The following MRPS6 variants were observed in gnomAD, a reference collection of about 807,000 sequenced individuals.
The protein encoded by MRPS6 is small ribosomal subunit protein bS6m.
A neutral mutation model predicts 13.1 loss-of-function variants in MRPS6; 6 were observed. That is an observed-to-expected ratio of 0.46 (90% CI 0.25 to 0.91). The LOEUF is 0.91. Ranked by LOEUF, MRPS6 falls within the 40% of genes least tolerant of loss-of-function variation. The probability of loss-of-function intolerance (pLI) is 0.18; values close to 1 mark genes in which losing one functional copy is unlikely to be tolerated. For synonymous variants in MRPS6, 61 were observed against 56.5 expected, an observed-to-expected ratio of 1.08 and a Z score of -0.36; for missense variants, 164 against 155.6, an observed-to-expected ratio of 1.05 and a Z score of -0.29.
chr21:34,073,842 C>T lies in MRPS6; in HGVS notation c.45+97C>T, dbSNP rs1989250867. 6.3e-6 allele frequency: 5 copies of T among 790,314 alleles called. No individual in the cohort carries two copies. The South Asian group carries it at 9.4e-5, about 15-fold the overall frequency. The allele number at this position is 790,314 out of a possible 1,614,324, so 49.0% of individuals were successfully genotyped here. A position where few individuals can be genotyped will look rare whatever the true frequency, so the allele number is the denominator to read the frequency against. On this transcript the variant is annotated intron_variant, in intron 1 of 2. Coordinates refer to ENST00000399312, the MANE Select transcript of MRPS6 (RefSeq NM_032476.4). ...CGCGCCCTGGCCGCGGGACCCCGGG[C>T]CTTCCTGCACTCCTCGGAGGAGGCC...
chr21:34,073,786 GC>G, intron 1 of MRPS6, 41 bp downstream of exon 1: 1 of 1,415,184 alleles, frequency 7.1e-7, no homozygotes, highest in Non-Finnish European at 9.4e-7. Context: ...CCGCGCGGGC[GC>G]CCCCGCTGCC....
Position 34,103,939 on chromosome 21 carries a change from A to AC in MRPS6, c.46-21401dup, listed in dbSNP as rs1979360514. 4.0e-6 allele frequency: 4 copies of AC among 1,000,100 alleles called. No individual in the cohort carries two copies. The Admixed American group carries it at 1.8e-4, about 46-fold the overall frequency. 62.0% of individuals were successfully genotyped at this position (1,000,100 alleles called of 1,614,324 possible). On this transcript the variant is annotated intron_variant, in intron 1 of 2. Coordinates refer to ENST00000399312, the MANE Select transcript of MRPS6 (RefSeq NM_032476.4). Reference sequence around the variant, plus strand: ...AGGTTTTTGGTGGGTGGAACAGGTGACATATTTCTGTTTTAAGCTGTAGTG... The same window carrying AC: ...AGGTTTTTGGTGGGTGGAACAGGTGACCATATTTCTGTTTTAAGCTGTAGTG...
Position 34,097,635 on chromosome 21 carries a change from C to T in MRPS6, c.45+23890C>T, listed in dbSNP as rs916587430. The T allele has an allele frequency of 2.6e-6, 3 of 1,149,076 alleles. No homozygotes were observed. The African/African-American group carries it at 4.9e-5, about 19-fold the overall frequency. The allele number at this position is 1,149,076 out of a possible 1,614,324, so 71.2% of individuals were successfully genotyped here. The stretch of plus-strand genomic sequence containing the variant: ...GAAGAGACCAATTATTCTCACAGAG[C>T]ACTTAGAGCAGAATATATGTTAAGT... On this transcript the variant is annotated intron_variant, in intron 1 of 2. Transcript: ENST00000399312.
intron 1 of MRPS6, among the ~76,000 whole-genome samples, chr21:34,093,577 C>T (rs541260910): frequency 6.6e-6 from 1 of 151,594 alleles, no homozygotes; most frequent in East Asian, 1.9e-4. Flanking sequence ...AGGAAAATGC[C>T]TAGAATCATC....
chr21:34,095,243 G>A (rs1397609368), intron 1 of MRPS6: 26 of 1,613,858 alleles, frequency 1.6e-5, no homozygotes, highest in Non-Finnish European at 2.2e-5. Flanking sequence ...TAGTGGCCCT[G>A]TATTTTATCC....
At chr21:34,135,857 G>T in intron 2 of MRPS6, 1 of 554,566 alleles carries the variant, frequency 1.8e-6, no homozygotes, top group South Asian at 1.9e-5. Flanking sequence ...ATGGGGCACT[G>T]AGCTTTGCAG....
rs141933184 is a variant in MRPS6, at chr21:34,096,910, G to A, written c.45+23165G>A. 271 of 1,614,128 alleles carry A rather than the reference G, an allele frequency of 1.7e-4. No homozygotes were observed. The highest frequency in any genetic ancestry group is 1.1e-3 in the Admixed American group (69 of 60,010). Reference sequence around the variant, plus strand: ...GAACCATACAAAATGCAAGAAAAGAGCATTCTGAGATGCAGTGAGAATAAT... The same window carrying A: ...GAACCATACAAAATGCAAGAAAAGAACATTCTGAGATGCAGTGAGAATAAT... On this transcript the variant is annotated intron_variant, in intron 1 of 2. Transcript: ENST00000399312. The surrounding 1 kb of genome is among the most constrained non-coding windows in gnomAD (Gnocchi z 5.9).
Position 34,081,338 on chromosome 21 carries a change from A to G in MRPS6, c.45+7593A>G, listed in dbSNP as rs1280476445. Among the ~76,000 whole-genome samples the G allele has an allele frequency of 2.0e-5, 3 of 152,226 alleles. No homozygotes were observed. In the East Asian group the frequency reaches 5.8e-4, roughly 29 times the overall value. ...TCATGACCCCTATATTGAGGTTGGC[A>G]AATAAATGTATGTTTATGTGTTGAA... is the stretch of plus-strand genomic sequence containing the variant. On this transcript the variant is annotated intron_variant, in intron 1 of 2. Transcript: ENST00000399312.
Position 34,128,723 on chromosome 21 carries a change from A to G in MRPS6, c.185+3243A>G, listed in dbSNP as rs539761662. Among the ~76,000 whole-genome samples, 28 of 152,300 alleles carry G rather than the reference A, an allele frequency of 1.8e-4. 1 individual carries two copies. In the South Asian group the frequency reaches 5.6e-3, roughly 30 times the overall value. On this transcript the variant is annotated intron_variant, in intron 2 of 2. Transcript: ENST00000399312. ...AGACTAGTCCACAGAGATTTTCTTA[A>G]TTCATAATCTCTGAAGGTCAGTAGA...
chr21:34,137,037 A>G (rs1022208154), intron 2 of MRPS6, among the ~76,000 whole-genome samples: 2 of 152,144 alleles, frequency 1.3e-5, no homozygotes, highest in African/African-American at 4.8e-5. Flanking sequence ...CTCTCTGTGT[A>G]TCTGTACATG....
intron 1 of MRPS6, among the ~76,000 whole-genome samples, chr21:34,082,156 A>G (rs558367514): frequency 6.6e-6 from 1 of 151,966 alleles, no homozygotes; most frequent in African/African-American, 2.4e-5. Flanking sequence ...TGTAATCTAG[A>G]TATTCAGATA....
intron 1 of MRPS6, chr21:34,098,367 G>T: frequency 1.0e-6 from 1 of 1,000,256 alleles, no homozygotes. Context: ...GTGCTGGATT[G>T]CTCTACTTGA....
intron 2 of MRPS6, among the ~76,000 whole-genome samples, chr21:34,127,219 A>G (rs16991257): frequency 0.011 from 1,751 of 152,332 alleles, 38 homozygotes; most frequent in South Asian, 0.08. Flanking sequence ...TATTATATAT[A>G]GACACAGAAA....
chr21:34,129,378 G>A (rs1162581151), intron 2 of MRPS6, among the ~76,000 whole-genome samples: 1 of 152,182 alleles, frequency 6.6e-6, no homozygotes, highest in Non-Finnish European at 1.5e-5. Flanking sequence ...GGATGCCTCT[G>A]CTCTGTTTCT....
intron 1 of MRPS6, chr21:34,102,086 T>G: frequency 1.0e-6 from 1 of 1,000,046 alleles, no homozygotes; most frequent in Non-Finnish European, 1.2e-6. Context: ...CTTGGTTAAC[T>G]TAGGGCTGCA....
chr21:34,091,263 C>A (rs1272210949), intron 1 of MRPS6, among the ~76,000 whole-genome samples: 1 of 20 alleles, frequency 0.05, no homozygotes, highest in Non-Finnish European at 0.12. Context: ...TCTTTGCAGG[C>A]CCCGCCCTGT....
chr21:34,106,588 A>G (rs112000370), intron 1 of MRPS6, among the ~76,000 whole-genome samples: 1,756 of 152,378 alleles, frequency 0.012, 38 homozygotes, highest in South Asian at 0.081. Flanking sequence ...CAGGCTCACC[A>G]GGGATTAACA....
chr21:34,084,101 T>G (rs1325585134), intron 1 of MRPS6, among the ~76,000 whole-genome samples: 1 of 151,308 alleles, frequency 6.6e-6, no homozygotes, highest in Non-Finnish European at 1.5e-5. Context: ...ACTGTTAAAG[T>G]TACTCTTTTT....
intron 1 of MRPS6, among the ~76,000 whole-genome samples, chr21:34,078,776 G>A (rs896558081): frequency 1.1e-4 from 16 of 152,166 alleles, no homozygotes; most frequent in Admixed American, 7.2e-4. Context: ...GAGAACAAAT[G>A]ATAAAATACT....
Sources: allele counts gnomAD v4.1 joint callset (sites outside exome capture counted in the v4.1 genomes callset), GRCh38; gene constraint gnomAD v4.1.1; non-coding constraint Gnocchi (gnomAD v3.1); transcripts MANE v1.5; gene names NCBI Gene and HGNC (gene_info 2026-07-23, HGNC 2026-07-21).